Variants in TTC27 observed in about 807,000 individuals in gnomAD.
TTC27 encodes the protein tetratricopeptide repeat protein 27.
Under a neutral mutation model 115.9 loss-of-function variants are expected in TTC27, and 79 were observed. The ratio of observed to expected loss-of-function variants is 0.68; its 90% confidence interval spans 0.57 to 0.82. The LOEUF (loss-of-function observed/expected upper bound fraction) is 0.82. TTC27 is among the 40% of genes least tolerant of loss of function. TTC27 has a pLI of 0.00. For missense variants in TTC27, 1,054 were observed against 993.1 expected, an observed-to-expected ratio of 1.06 and a Z score of -0.82; for synonymous variants, 401 against 356.0, an observed-to-expected ratio of 1.13 and a Z score of -1.42.
intron 10 of TTC27, among the ~76,000 whole-genome samples, chr2:32,710,167 C>T (rs1667526668): frequency 6.6e-6 from 1 of 151,988 alleles, no homozygotes. Flanking sequence ...AGGCATGCAC[C>T]ACCGACTTAA....
intron 10 of TTC27, among the ~76,000 whole-genome samples, chr2:32,725,992 C>T (rs1013403836): frequency 1.2e-5 from 1 of 84,628 alleles, no homozygotes; most frequent in African/African-American, 3.3e-5. Context: ...TCAAGCTCTA[C>T]ATTGGCCTCT....
chr2:32,705,095 G>C, intron 10 of TTC27: 1 of 365,348 alleles, frequency 2.7e-6, no homozygotes, highest in Non-Finnish European at 5.5e-6. Flanking sequence ...GGTCACGGGA[G>C]GGAGCAGACC....
At chr2:32,693,393 C>G (rs1008829466) in intron 9 of TTC27, among the ~76,000 whole-genome samples, 1 of 152,204 alleles carries the variant, frequency 6.6e-6, no homozygotes, top group South Asian at 2.1e-4. Context: ...ACCCTAAACC[C>G]TGTTCAGTCA....
chr2:32,705,073 G>C (rs76130635), intron 10 of TTC27: 9 of 381,232 alleles, frequency 2.4e-5, no homozygotes, highest in South Asian at 4.0e-5. Context: ...GGGGCCTGGT[G>C]GGGGGTGTTG....
chr2:32,663,680 GTATTTATTTATTTATT>G (rs1313931097), intron 5 of TTC27, among the ~76,000 whole-genome samples: 1 of 54,580 alleles, frequency 1.8e-5, no homozygotes, highest in East Asian at 5.8e-4. Context: ...ATGTATGTAT[GTATTTATTTATTTATT>G]TATTTGGAGA....
Position 32,773,233 on chromosome 2 carries a change from T to TATTC in TTC27, c.1681-4649_1681-4648insATTC, listed in dbSNP as rs1558336470. Reference sequence around the variant, plus strand: ...TTGGCTGCATACAGCCAGCTTGCCTTCACGATTTGCCCTGGAAATAAGCTC... The same window carrying TATTC: ...TTGGCTGCATACAGCCAGCTTGCCTTATTCCACGATTTGCCCTGGAAATAAGCTC... On this transcript the variant is annotated intron_variant, in intron 13 of 19. Coordinates refer to ENST00000317907, the MANE Select transcript of TTC27 (RefSeq NM_017735.5). 2.0e-4 allele frequency among the ~76,000 whole-genome samples: 30 copies of TATTC among 152,306 alleles called. 1 individual carries two copies. In the South Asian group the frequency reaches 6.2e-3, roughly 32 times the overall value.
intron 15 of TTC27, among the ~76,000 whole-genome samples, chr2:32,786,206 C>A (rs1030429676): frequency 6.6e-6 from 1 of 152,110 alleles, no homozygotes; most frequent in South Asian, 2.1e-4. Flanking sequence ...ACTGCACCCA[C>A]GGCTTCCCAG....
At chr2:32,727,939 G>A (rs1305042994) in intron 10 of TTC27, among the ~76,000 whole-genome samples, 1 of 151,954 alleles carries the variant, frequency 6.6e-6, no homozygotes, top group Non-Finnish European at 1.5e-5. Flanking sequence ...GAGTTTAAAG[G>A]GGTCTTGGAA....
chr2:32,717,844 A>G (rs1667803238), intron 10 of TTC27, among the ~76,000 whole-genome samples: 1 of 151,916 alleles, frequency 6.6e-6, no homozygotes, highest in African/African-American at 2.4e-5. Context: ...GGAATTCTGG[A>G]TGTATCTAAA....
intron 10 of TTC27, among the ~76,000 whole-genome samples, chr2:32,727,109 A>G (rs1371437501): frequency 6.6e-6 from 1 of 152,230 alleles, no homozygotes; most frequent in Non-Finnish European, 1.5e-5. Flanking sequence ...CATATCAGTT[A>G]CCAATGATAA....
At chr2:32,708,306 T>TTTTTTTTTTTG (rs1667453272) in intron 10 of TTC27, among the ~76,000 whole-genome samples, 1 of 120,288 alleles carries the variant, frequency 8.3e-6, no homozygotes, top group Non-Finnish European at 1.7e-5. Context: ...TCTACCTTGT[T>TTTTTTTTTTTG]TTTTTTTTTT....
chr2:32,649,654 C>T lies in TTC27; in HGVS notation c.538-477C>T, dbSNP rs544927433. 3.5e-4 allele frequency among the ~76,000 whole-genome samples: 53 copies of T among 151,750 alleles called. No homozygotes were observed. In the South Asian group the frequency reaches 9.2e-3, roughly 26 times the overall value. ...CTGCCTCCCAGGTTTAAGCAATTCT[C>T]CTGCCTCAAGTCTCCCGAGTAGCTG... On this transcript the variant is annotated intron_variant, in intron 4 of 19. Transcript: ENST00000317907.
intron 9 of TTC27, among the ~76,000 whole-genome samples, chr2:32,690,335 C>G (rs553533272): frequency 1.3e-5 from 2 of 152,062 alleles, no homozygotes; most frequent in African/African-American, 4.8e-5. Context: ...AAGCATGCTA[C>G]TAGATGTTGT....
At chr2:32,696,624 A>C (rs1016083446) in intron 9 of TTC27, among the ~76,000 whole-genome samples, 1 of 152,098 alleles carries the variant, frequency 6.6e-6, no homozygotes, top group African/African-American at 2.4e-5. Flanking sequence ...ATTCCTTCAC[A>C]AACATTTGAG....
chr2:32,741,667 A>AC (rs1553313972), intron 12 of TTC27, among the ~76,000 whole-genome samples: 6 of 146,216 alleles, frequency 4.1e-5, no homozygotes, highest in East Asian at 2.0e-4. Context: ...ACAAAAAACA[A>AC]AACAACAACA....
At chr2:32,736,390 G>A (rs1668452864) in intron 11 of TTC27, among the ~76,000 whole-genome samples, 1 of 152,082 alleles carries the variant, frequency 6.6e-6, no homozygotes, top group Admixed American at 6.5e-5. Context: ...TATATACAGA[G>A]TGTCTAGGTA....
At chr2:32,814,895 T>A (rs1160327432) in intron 18 of TTC27, among the ~76,000 whole-genome samples, 1 of 152,152 alleles carries the variant, frequency 6.6e-6, no homozygotes, top group East Asian at 1.9e-4. Context: ...CGTATCCCCA[T>A]CATTAAGTGA....
At chr2:32,679,451 AT>A (rs1311751276) in intron 9 of TTC27, among the ~76,000 whole-genome samples, 1 of 152,188 alleles carries the variant, frequency 6.6e-6, no homozygotes, top group Non-Finnish European at 1.5e-5. Flanking sequence ...ATATTTGAGG[AT>A]TTTAGATCAA....
chr2:32,746,331 A>G (rs1376186662), intron 12 of TTC27, among the ~76,000 whole-genome samples: 3 of 151,970 alleles, frequency 2.0e-5, no homozygotes. Flanking sequence ...AGAGGCCGAG[A>G]CGGGTGGATT....
Sources: gnomAD v4.1 joint callset for allele counts (sites outside exome capture counted in the v4.1 genomes callset) on GRCh38, gnomAD v4.1.1 for gene constraint, MANE v1.5 for transcripts, NCBI Gene and HGNC (gene_info 2026-07-23, HGNC 2026-07-21) for gene names.